The following CAST variants were observed in gnomAD, a reference collection of about 807,000 sequenced individuals.
The protein encoded by CAST is MIR583 host.
Under a neutral mutation model 119.6 loss-of-function variants are expected in CAST, and 76 were observed. The ratio of observed to expected loss-of-function variants is 0.64; its 90% confidence interval spans 0.53 to 0.77. The LOEUF is 0.77. CAST is among the 30% of genes least tolerant of loss of function. The pLI is 0.00. For synonymous variants in CAST, 319 were observed against 331.6 expected (o/e 0.96, Z 0.41); for missense variants, 953 against 946.5 (o/e 1.01, Z -0.09).
At chr5:96,660,204 CCTT>C (rs1748239995), upstream of CAST, among the ~76,000 whole-genome samples, 1 of 152,128 alleles carries the variant, frequency 6.6e-6, no homozygotes, top group African/African-American at 2.4e-5. Context: ...CACCCCTTCT[CCTT>C]CTGTTCACAC....
chr5:96,232,555 A>G, the CAST span, among the ~76,000 whole-genome samples: 1 of 152,124 alleles, frequency 6.6e-6, no homozygotes, highest in Non-Finnish European at 1.5e-5. Flanking sequence ...AGGTTGCAGA[A>G]TACAAAATTA....
At chr5:96,067,434 A>C in the CAST span, among the ~76,000 whole-genome samples, 1 of 152,212 alleles carries the variant, frequency 6.6e-6, no homozygotes, top group Non-Finnish European at 1.5e-5. Context: ...CTGATGGATC[A>C]TTAGGAATAC....
At chr5:96,218,073 G>A in the CAST span, among the ~76,000 whole-genome samples, 3 of 152,180 alleles carry the variant, frequency 2.0e-5, no homozygotes, top group Non-Finnish European at 4.4e-5. Context: ...AAGAAAAAGT[G>A]ACTGTTTGCT....
rs1265097638 is a variant in CAST, at chr5:96,766,104, A to G, written c.2089A>G (p.Ile697Val). The G allele has an allele frequency of 2.5e-6, 4 of 1,611,988 alleles. No individual in the cohort carries two copies. Among genetic ancestry groups the G allele is most frequent in the Non-Finnish European group, 2.5e-6 (3 of 1,178,442 alleles). Reference sequence around the variant, plus strand: ...CAAGCTTGGAGAAAGAGATGACACTATCCCACCTGAATACAGACATCTCCT... The same window carrying G: ...CAAGCTTGGAGAAAGAGATGACACTGTCCCACCTGAATACAGACATCTCCT... ...RDKLGERDDT[I>V]PPEYRHLLDD... is the part of the protein sequence containing the mutation. Residue 697 changes from isoleucine to valine, a missense_variant, in exon 27 of 32, where the codon ATC becomes GTC. Ile to Val is a conservative substitution (Grantham distance 29). Transcript: ENST00000675179.
intron 2 of CAST, among the ~76,000 whole-genome samples, chr5:96,688,038 A>G (rs895186789): frequency 6.6e-6 from 1 of 152,230 alleles, no homozygotes; most frequent in Admixed American, 6.5e-5. Flanking sequence ...TGTTAACCAT[A>G]TAGTTCAGGG....
At chr5:96,054,093 G>A in the CAST span, among the ~76,000 whole-genome samples, 1 of 151,838 alleles carries the variant, frequency 6.6e-6, no homozygotes. Flanking sequence ...TAGAGACCTT[G>A]TTTTTTCCAT....
chr5:96,315,538 G>C, the CAST span, among the ~76,000 whole-genome samples: 223 of 152,308 alleles, frequency 1.5e-3, no homozygotes, highest in Non-Finnish European at 2.5e-3. Flanking sequence ...AAGAGAAGTG[G>C]GAGTGGTGAA....
At chr5:96,586,724 G>C (rs1469508093) in intron 1 of CAST, among the ~76,000 whole-genome samples, 1 of 152,198 alleles carries the variant, frequency 6.6e-6, no homozygotes, top group African/African-American at 2.4e-5. Flanking sequence ...GTAAAGAACT[G>C]CTGGTACAAA....
chr5:96,600,146 G>A (rs769961796), intron 1 of CAST, among the ~76,000 whole-genome samples: 5 of 152,170 alleles, frequency 3.3e-5, no homozygotes, highest in Non-Finnish European at 7.3e-5. Flanking sequence ...AAAAGGTATG[G>A]TTTGCCTTAT....
chr5:96,669,032 A>G (rs996664788), intron 1 of CAST, among the ~76,000 whole-genome samples: 23 of 152,238 alleles, frequency 1.5e-4, no homozygotes, highest in Non-Finnish European at 5.9e-5. Flanking sequence ...GTCTCCTGGC[A>G]GCGCCTGCTG....
the CAST span, among the ~76,000 whole-genome samples, chr5:96,253,957 G>T: frequency 2.0e-5 from 3 of 147,766 alleles, no homozygotes; most frequent in African/African-American, 7.4e-5. Context: ...TGTGTGCCCA[G>T]TGGTTAAAAA....
chr5:96,273,509 A>G, the CAST span, among the ~76,000 whole-genome samples: 2 of 152,244 alleles, frequency 1.3e-5, no homozygotes, highest in Non-Finnish European at 2.9e-5. Flanking sequence ...CAGTAGATTT[A>G]TGGCCTGTCG....
At chr5:96,131,251 G>A in the CAST span, among the ~76,000 whole-genome samples, 4 of 152,006 alleles carry the variant, frequency 2.6e-5, no homozygotes, top group African/African-American at 9.7e-5. Flanking sequence ...GTTATTTTAA[G>A]TGATGAAAGA....
chr5:96,441,774 C>A, the CAST span, among the ~76,000 whole-genome samples: 2 of 152,082 alleles, frequency 1.3e-5, no homozygotes, highest in African/African-American at 4.8e-5. Context: ...AAAAGGGGCA[C>A]TTTTTTATAA....
At chr5:96,270,259 T>C in the CAST span, among the ~76,000 whole-genome samples, 659 of 152,220 alleles carry the variant, frequency 4.3e-3, 3 homozygotes, top group Middle Eastern at 0.01. Flanking sequence ...ATAAAGGTCA[T>C]ATATGACAAA....
chr5:96,442,696 T>A, the CAST span, among the ~76,000 whole-genome samples: 1 of 152,314 alleles, frequency 6.6e-6, no homozygotes, highest in South Asian at 2.1e-4. Context: ...TGGAATGGCC[T>A]GAGGCCCAGG....
At chr5:96,071,746 A>T in the CAST span, among the ~76,000 whole-genome samples, 1,617 of 149,624 alleles carry the variant, frequency 0.011, 28 homozygotes, top group African/African-American at 0.038. Context: ...TAGTTTTTTT[A>T]AAAAAAGTTT....
At chr5:96,147,603 A>AAAAAC in the CAST span, among the ~76,000 whole-genome samples, 4,470 of 151,940 alleles carry the variant, frequency 0.029, 83 homozygotes, top group South Asian at 0.088. Context: ...ACTCCGTCTC[A>AAAAAC]AAAACAAAAC....
At chr5:96,752,547 GGGATAA>G (rs1304958600) in intron 20 of CAST, among the ~76,000 whole-genome samples, 2 of 50,160 alleles carry the variant, frequency 4.0e-5, no homozygotes, top group Admixed American at 2.1e-4. Flanking sequence ...AGAAACCTCA[GGGATAA>G]CCTCAGGGAT....
Sources: allele counts gnomAD v4.1 joint callset (sites outside exome capture counted in the v4.1 genomes callset), GRCh38; gene constraint gnomAD v4.1.1; transcripts MANE v1.5; gene names NCBI Gene and HGNC (gene_info 2026-07-23, HGNC 2026-07-21).